The following WRN variants were observed in gnomAD, a reference collection of about 807,000 sequenced individuals.
WRN encodes the protein bifunctional 3'-5' exonuclease/ATP-dependent helicase WRN.
Under a neutral mutation model 180.7 loss-of-function variants are expected in WRN, and 149 were observed. The ratio of observed to expected loss-of-function variants is 0.82; its 90% CI spans 0.72 to 0.94. WRN has a LOEUF of 0.94. Among genes scored for constraint, WRN ranks in the 40% least tolerant of loss-of-function variants. WRN has a pLI of 0.00. For synonymous variants in WRN, 548 were observed against 568.9 expected (o/e 0.96, Z 0.52); for missense variants, 1,661 against 1,700.1 (o/e 0.98, Z 0.40).
intron 1 of WRN, among the ~76,000 whole-genome samples, chr8:31,042,954 C>T (rs1811714442): frequency 6.6e-6 from 1 of 152,136 alleles, no homozygotes; most frequent in Non-Finnish European, 1.5e-5. Context: ...AAGAAGTGGT[C>T]TTACATTTTA....
At chr8:31,119,972 C>A (rs958272882) in intron 20 of WRN, 4 of 379,664 alleles carry the variant, frequency 1.1e-5, no homozygotes, top group South Asian at 3.0e-5. Flanking sequence ...TATTTTGAAC[C>A]CCTTTTGTGT....
At chr8:31,127,211 A>T (rs1801960930) in intron 23 of WRN, among the ~76,000 whole-genome samples, 1 of 152,194 alleles carries the variant, frequency 6.6e-6, no homozygotes, top group African/African-American at 2.4e-5. Flanking sequence ...TGAAACATAA[A>T]ACTATACTAG....
intron 33 of WRN, 129 bp downstream of exon 33, chr8:31,157,659 TTTCTTGTTTTAG>T (rs1375404884): frequency 7.6e-7 from 1 of 1,323,258 alleles, no homozygotes; most frequent in African/African-American, 1.5e-5. Flanking sequence ...TGTGATTCTT[TTTCTTGTTTTAG>T]GAAAACAATC....
intron 1 of WRN, among the ~76,000 whole-genome samples, chr8:31,050,492 C>G (rs1812040892): frequency 6.7e-6 from 1 of 149,650 alleles, no homozygotes; most frequent in Non-Finnish European, 1.5e-5. Context: ...CTCTCTTTGT[C>G]TTCTAAGTTT....
At chr8:31,118,521 T>C (rs999859847) in intron 20 of WRN, among the ~76,000 whole-genome samples, 1 of 151,978 alleles carries the variant, frequency 6.6e-6, no homozygotes, top group African/African-American at 2.4e-5. Context: ...ATTGATTACT[T>C]GCTACCGAGA....
chr8:31,174,321 C>G lies in WRN; in HGVS notation c.*1219C>G, dbSNP rs559714589. Among the ~76,000 whole-genome samples the G allele has an allele frequency of 6.6e-5, 10 of 152,332 alleles. No individual in the cohort carries two copies. In the South Asian group the frequency reaches 1.9e-3, roughly 28 times the overall value. On this transcript the variant is annotated 3_prime_UTR_variant, in exon 35 of 35. Coordinates refer to ENST00000298139, the MANE Select transcript of WRN (RefSeq NM_000553.6). ...ATGGAGTGGCAAGTACGCACAGACACGTCTGCTGCATGCCTAGGTACGAGG... is the reference window on the plus strand; with the variant it reads ...ATGGAGTGGCAAGTACGCACAGACAGGTCTGCTGCATGCCTAGGTACGAGG...
chr8:31,138,779 A>G (rs1270923131), intron 24 of WRN, among the ~76,000 whole-genome samples: 1 of 152,182 alleles, frequency 6.6e-6, no homozygotes, highest in Admixed American at 6.5e-5. Context: ...AAGATTTAGG[A>G]GAGCATGGTA....
At chr8:31,042,147 T>C (rs1173129541) in intron 1 of WRN, among the ~76,000 whole-genome samples, 3 of 151,828 alleles carry the variant, frequency 2.0e-5, no homozygotes, top group Admixed American at 2.0e-4. Context: ...GGTTGGAGAG[T>C]GGGATATATG....
chr8:31,062,723 A>G (rs1812534952), intron 3 of WRN, among the ~76,000 whole-genome samples: 1 of 152,000 alleles, frequency 6.6e-6, no homozygotes, highest in Non-Finnish European at 1.5e-5. Flanking sequence ...TGTTTTCTTC[A>G]GTTCTTTATT....
chr8:31,108,701 T>TA (rs570246211), intron 18 of WRN, among the ~76,000 whole-genome samples: 5 of 152,148 alleles, frequency 3.3e-5, no homozygotes, highest in Admixed American at 6.5e-5. Context: ...TTTGCAGTGT[T>TA]ACACAAGGGC....
At chr8:31,109,288 G>A (rs1801214214) in intron 18 of WRN, among the ~76,000 whole-genome samples, 1 of 152,182 alleles carries the variant, frequency 6.6e-6, no homozygotes, top group Non-Finnish European at 1.5e-5. Context: ...TAGTAACGAA[G>A]TACTATTAAT....
At chr8:31,076,089 T>A (rs1813083278) in intron 7 of WRN, 84 bp from the exon 8 acceptor site, 3 of 1,096,614 alleles carry the variant, frequency 2.7e-6, no homozygotes, top group Non-Finnish European at 4.2e-6. Context: ...GAAAATTTGA[T>A]CCCTAATATT....
Position 31,076,175 on chromosome 8 carries a change from G to A in WRN, c.727G>A (p.Glu243Lys). The change falls in exon 8 of 35, where the codon GAA becomes AAA. Residue 243 changes from glutamate (E) to lysine (K), a missense_variant and splice_region_variant. Physicochemically the swap from Glu to Lys is moderately conservative, Grantham distance 56. Transcript: ENST00000298139. ...TVQRFAINKEEEILLSDMNKQ... is the reference protein window; with the variant it reads ...TVQRFAINKEKEILLSDMNKQ... ...ATATTGATTTTTTTTCCCCCTAGAG[G>A]AAGAAATCCTACTTAGCGACATGAA... 6.2e-7 allele frequency: 1 copy of A among 1,612,906 alleles called. No individual in the cohort carries two copies. Among genetic ancestry groups the A allele is most frequent in the Non-Finnish European group, 8.5e-7 (1 of 1,179,070 alleles).
At chr8:31,079,347 CAG>C (rs1302911391) in intron 8 of WRN, among the ~76,000 whole-genome samples, 1 of 152,072 alleles carries the variant, frequency 6.6e-6, no homozygotes, top group Non-Finnish European at 1.5e-5. Context: ...AAAGACATGT[CAG>C]ATTTTATTAA....
rs1045852752 is a variant in WRN, at chr8:31,059,815, G to A, written c.209+550G>A. On this transcript the variant is annotated intron_variant, in intron 3 of 34. Transcript: ENST00000298139. ...CTCAGGCCTGTAATCCCAGCACTTTGTGAGGCCGAGGCAGGTGGATCACAA... is the reference window on the plus strand; with the variant it reads ...CTCAGGCCTGTAATCCCAGCACTTTATGAGGCCGAGGCAGGTGGATCACAA... Among the ~76,000 whole-genome samples the A allele has an allele frequency of 2.6e-5, 4 of 152,310 alleles. No individual in the cohort carries two copies. The South Asian group carries it at 6.2e-4, about 24-fold the overall frequency.
intron 7 of WRN, among the ~76,000 whole-genome samples, chr8:31,071,753 A>C (rs1211011594): frequency 6.6e-6 from 1 of 152,198 alleles, no homozygotes; most frequent in Non-Finnish European, 1.5e-5. Context: ...AAGTGCTAGA[A>C]TTATAGGCAT....
chr8:31,157,503 G>A lies in WRN; in HGVS notation c.3955G>A (p.Val1319Ile), dbSNP rs2130481374. The A allele has an allele frequency of 6.2e-7, 1 of 1,614,108 alleles. No individual in the cohort carries two copies. Among genetic ancestry groups the A allele is most frequent in the Non-Finnish European group, 8.5e-7 (1 of 1,180,022 alleles). ...TPEVQKIIADVIRNPPVNSDM... is the reference protein window; with the variant it reads ...TPEVQKIIADIIRNPPVNSDM... ...AGAGGTTCAGAAGATTATTGCTGAT[G>A]TTATCCGAAACCCTCCCGTCAACTC... Residue 1319 changes from valine to isoleucine, a missense_variant, in exon 33 of 35, where the codon GTT becomes ATT. By Grantham distance (29) the Val-to-Ile change is conservative (BLOSUM62 3). Coordinates refer to ENST00000298139, the MANE Select transcript of WRN (RefSeq NM_000553.6).
At chr8:31,058,661 C>G in intron 2 of WRN, 118 bp downstream of exon 2, 1 of 988,180 alleles carries the variant, frequency 1.0e-6, no homozygotes, top group Non-Finnish European at 1.6e-6. Context: ...TTGCTGTTGT[C>G]TAAATGCACC....
intron 19 of WRN, among the ~76,000 whole-genome samples, chr8:31,115,137 C>T (rs574153699): frequency 1.6e-3 from 247 of 152,266 alleles, no homozygotes; most frequent in African/African-American, 5.8e-3. Flanking sequence ...CTCAGGTAAT[C>T]CGCCCGCCTT....
Sources: allele counts gnomAD v4.1 joint callset (sites outside exome capture counted in the v4.1 genomes callset), GRCh38; gene constraint gnomAD v4.1.1; transcripts MANE v1.5; gene names NCBI Gene and HGNC (gene_info 2026-07-23, HGNC 2026-07-21).